Variants in KCNS3 observed in about 807,000 individuals in gnomAD.
KCNS3 encodes delayed-rectifier potassium channel regulatory subunit KCNS3.
A neutral mutation model predicts 31.0 loss-of-function variants in KCNS3; 13 were observed. That is an observed-to-expected ratio of 0.42 (90% CI 0.27 to 0.67). The LOEUF is 0.67. Ranked by LOEUF, KCNS3 falls within the 30% of genes least tolerant of loss-of-function variation. KCNS3 has a pLI of 0.25. For missense variants in KCNS3, 545 were observed against 622.4 expected (o/e 0.88, Z 1.32); for synonymous variants, 238 against 241.5 (o/e 0.99, Z 0.13).
Position 17,931,243 on chromosome 2 carries a change from G to A in KCNS3, c.235G>A (p.Val79Ile). 1.9e-6 allele frequency: 3 copies of A among 1,614,116 alleles called. No individual in the cohort carries two copies. Among genetic ancestry groups the A allele is most frequent in the South Asian group, 2.2e-5 (2 of 91,078 alleles). The change falls in exon 3 of 3, where the codon GTT becomes ATT. Residue 79 changes from valine to isoleucine, a missense_variant. Transcript: ENST00000304101. The surrounding 1 kb of genome is among the most constrained non-coding windows in gnomAD (Gnocchi z 5.4). ...TCGGAATCCCTCCTTGTTCAGATAT[G>A]TTTTGAATTTTTATTACACGGGGAA... ...FDRNPSLFRY[V>I]LNFYYTGKLH...
intron 2 of KCNS3, among the ~76,000 whole-genome samples, chr2:17,924,787 A>T (rs976606646): frequency 1.3e-5 from 2 of 152,148 alleles, no homozygotes; most frequent in Non-Finnish European, 2.9e-5. Flanking sequence ...ATCTGTATTC[A>T]TAAGGGATGC....
intron 1 of KCNS3, among the ~76,000 whole-genome samples, chr2:17,896,191 TACC>T (rs1662020319): frequency 6.6e-6 from 1 of 152,126 alleles, no homozygotes; most frequent in Non-Finnish European, 1.5e-5. Flanking sequence ...TATAGGCTGG[TACC>T]ACCACATCTG....
At chr2:17,912,180 G>C in intron 1 of KCNS3, among the ~76,000 whole-genome samples, 1 of 152,148 alleles carries the variant, frequency 6.6e-6, no homozygotes, top group East Asian at 1.9e-4. Flanking sequence ...ATTTCTTCAG[G>C]ACACATGCCA....
At position 17,932,582 on chromosome 2, in the gene KCNS3, A is replaced by C; in HGVS notation, c.*98A>C. ...GGTTCGTTAAAATCATTTAATTCTC[A>C]GGGTGTACCTTTCAGCCATAGTTGG... On this transcript the variant is annotated 3_prime_UTR_variant, in exon 3 of 3. Coordinates refer to ENST00000304101, the MANE Select transcript of KCNS3 (RefSeq NM_002252.5). 7.8e-7 allele frequency: 1 copy of C among 1,277,104 alleles called. No individual in the cohort carries two copies. The highest frequency in any genetic ancestry group is 1.1e-6 in the Non-Finnish European group (1 of 923,270). The allele number at this position is 1,277,104 out of a possible 1,614,324, so 79.1% of individuals were successfully genotyped here. A position where few individuals can be genotyped will look rare whatever the true frequency, so the allele number is the denominator to read the frequency against.
intron 1 of KCNS3, among the ~76,000 whole-genome samples, chr2:17,908,491 C>T (rs761461186): frequency 1.3e-5 from 2 of 152,218 alleles, no homozygotes; most frequent in East Asian, 1.9e-4. Flanking sequence ...AGCTTTGTTC[C>T]GTTGCTGGCG....
intron 1 of KCNS3, among the ~76,000 whole-genome samples, chr2:17,881,778 G>T (rs986474516): frequency 6.6e-6 from 1 of 152,170 alleles, no homozygotes; most frequent in African/African-American, 2.4e-5. Context: ...GACTACATTT[G>T]TTGAACAGTG....
intron 1 of KCNS3, among the ~76,000 whole-genome samples, chr2:17,895,229 C>T (rs1661998365): frequency 6.6e-6 from 1 of 151,890 alleles, no homozygotes; most frequent in South Asian, 2.1e-4. Context: ...TTTTTAACCT[C>T]ATGAAGTAAA....
In KCNS3 at chr2:17,932,596, A is replaced by G; in HGVS notation, c.*112A>G. On this transcript the variant is annotated 3_prime_UTR_variant, in exon 3 of 3. Transcript: ENST00000304101. ...ATTTAATTCTCAGGGTGTACCTTTC[A>G]GCCATAGTTGGACATTCATTGCTGA... The G allele has an allele frequency of 6.0e-6, 7 of 1,157,752 alleles. No individual in the cohort carries two copies. The highest frequency in any genetic ancestry group is 8.5e-6 in the Non-Finnish European group (7 of 822,300). The allele number at this position is 1,157,752 out of a possible 1,614,324, so 71.7% of individuals were successfully genotyped here.
chr2:17,883,819 C>T (rs979310512), intron 1 of KCNS3, among the ~76,000 whole-genome samples: 2 of 151,848 alleles, frequency 1.3e-5, no homozygotes, highest in African/African-American at 4.8e-5. Context: ...ATGTTTATTG[C>T]GGCACTATTC....
intron 1 of KCNS3, among the ~76,000 whole-genome samples, chr2:17,880,132 C>T (rs1381551255): frequency 6.6e-6 from 1 of 152,192 alleles, no homozygotes; most frequent in Non-Finnish European, 1.5e-5. Context: ...AAATACCTGC[C>T]CAGGTAAACA....
chr2:17,921,915 G>GTATATATATATATATATATA (rs56064218), intron 2 of KCNS3, among the ~76,000 whole-genome samples: 2 of 32,808 alleles, frequency 6.1e-5, no homozygotes, highest in Non-Finnish European at 1.1e-4. Flanking sequence ...GTGTGTGTGT[G>GTATATATATATATATATATA]TATATATATA....
intron 1 of KCNS3, among the ~76,000 whole-genome samples, chr2:17,900,514 G>A (rs955645106): frequency 6.6e-6 from 1 of 152,114 alleles, no homozygotes; most frequent in Non-Finnish European, 1.5e-5. Flanking sequence ...GTGGGGGATG[G>A]AGTCTCGCTG....
intron 1 of KCNS3, among the ~76,000 whole-genome samples, chr2:17,904,176 T>C (rs1419736108): frequency 6.6e-6 from 1 of 152,242 alleles, no homozygotes; most frequent in Non-Finnish European, 1.5e-5. Context: ...TGGTATCTCA[T>C]TGTGGTTTTG....
intron 1 of KCNS3, among the ~76,000 whole-genome samples, chr2:17,890,337 A>G (rs1446789607): frequency 2.0e-5 from 3 of 151,618 alleles, no homozygotes; most frequent in Non-Finnish European, 2.9e-5. Context: ...AATCTTGCTA[A>G]TGGTCTACCA....
intron 1 of KCNS3, among the ~76,000 whole-genome samples, chr2:17,909,312 C>T (rs950895300): frequency 1.3e-4 from 20 of 152,260 alleles, no homozygotes; most frequent in East Asian, 5.8e-4. Flanking sequence ...TGGAAAAGTG[C>T]GGTATTAGGG....
intron 1 of KCNS3, among the ~76,000 whole-genome samples, chr2:17,912,058 T>C (rs1411495034): frequency 6.6e-6 from 1 of 152,226 alleles, no homozygotes; most frequent in Non-Finnish European, 1.5e-5. Flanking sequence ...CCCCAGTCTA[T>C]TTAATCATTC....
intron 1 of KCNS3, among the ~76,000 whole-genome samples, chr2:17,896,039 TTTTG>T (rs1662017311): frequency 6.6e-6 from 1 of 152,142 alleles, no homozygotes; most frequent in African/African-American, 2.4e-5. Context: ...TTTTTATTTC[TTTTG>T]TTTATTTCTT....
At chr2:17,911,107 G>A (rs905437211) in intron 1 of KCNS3, among the ~76,000 whole-genome samples, 103 of 152,200 alleles carry the variant, frequency 6.8e-4, no homozygotes, top group African/African-American at 2.2e-3. Flanking sequence ...AGCTGTCCCC[G>A]CTTCCTTATC....
chr2:17,922,924 G>A (rs1332008470), intron 2 of KCNS3, among the ~76,000 whole-genome samples: 1 of 152,008 alleles, frequency 6.6e-6, no homozygotes. Flanking sequence ...TACAGTTTTT[G>A]TTTGAACATA....
Sources: allele counts gnomAD v4.1 joint callset (sites outside exome capture counted in the v4.1 genomes callset), GRCh38; gene constraint gnomAD v4.1.1; non-coding constraint Gnocchi (gnomAD v3.1); transcripts MANE v1.5; gene names NCBI Gene and HGNC (gene_info 2026-07-23, HGNC 2026-07-21).